EPB41L4A: variants seen among roughly 807,000 people sequenced by gnomAD.
EPB41L4A encodes erythrocyte membrane protein band 4.1 like 4A.
Under a neutral mutation model 108.6 loss-of-function variants are expected in EPB41L4A, and 100 were observed. That is an observed-to-expected ratio of 0.92 (90% CI 0.78 to 1.09). The LOEUF (loss-of-function observed/expected upper bound fraction) is 1.09. Among genes scored for constraint, EPB41L4A ranks in the 50% least tolerant of loss-of-function variants. EPB41L4A has a pLI of 0.00. For synonymous variants in EPB41L4A, 319 were observed against 289.0 expected (o/e 1.10, Z -1.05); for missense variants, 1,030 against 842.7 (o/e 1.22, Z -2.75).
chr5:112,387,161 A>G (rs1258537251), intron 1 of EPB41L4A, among the ~76,000 whole-genome samples: 2 of 152,240 alleles, frequency 1.3e-5, no homozygotes, highest in Non-Finnish European at 2.9e-5. Context: ...TGACAGCGCC[A>G]GTTCCATCGT....
intron 12 of EPB41L4A, among the ~76,000 whole-genome samples, chr5:112,213,262 G>C (rs977640984): frequency 1.3e-5 from 2 of 151,886 alleles, no homozygotes; most frequent in African/African-American, 4.8e-5. Flanking sequence ...ACGAGATAAG[G>C]TATAATCAGT....
At position 112,384,423 on chromosome 5, in the gene EPB41L4A, C is replaced by T. The variant is rs1343986164; in HGVS notation, c.99+34518G>A. On this transcript the variant is annotated intron_variant, in intron 1 of 22. Transcript: ENST00000261486. ...CCAAAGGCAAAAAGTATATAACATTCGCAATTAACAAGGCAGACCAAAGGC... is the reference window on the plus strand; with the variant it reads ...CCAAAGGCAAAAAGTATATAACATTTGCAATTAACAAGGCAGACCAAAGGC... 2.6e-5 allele frequency among the ~76,000 whole-genome samples: 4 copies of T among 151,522 alleles called. No individual in the cohort carries two copies. The East Asian group carries it at 5.8e-4, about 22-fold the overall frequency.
intron 1 of EPB41L4A, among the ~76,000 whole-genome samples, chr5:112,332,982 A>G (rs1386912190): frequency 2.0e-5 from 3 of 152,226 alleles, no homozygotes; most frequent in Non-Finnish European, 2.9e-5. Context: ...GTATGGAAAG[A>G]AGAGAGAAAT....
At chr5:112,216,234 G>C (rs930119034) in intron 12 of EPB41L4A, among the ~76,000 whole-genome samples, 1 of 152,198 alleles carries the variant, frequency 6.6e-6, no homozygotes, top group African/African-American at 2.4e-5. Flanking sequence ...GTGATGTCAA[G>C]ATTTGGTGAT....
At position 112,167,949 on chromosome 5, in the gene EPB41L4A, A is replaced by T. The variant is rs577681738; in HGVS notation, c.1932+790T>A. On this transcript the variant is annotated intron_variant, in intron 22 of 22. Coordinates refer to ENST00000261486, the MANE Select transcript of EPB41L4A (RefSeq NM_022140.5). ...GCATTTTTATGGGATGAGAGTCAGT[A>T]GATACAACTGGCTTTTCTAAAGGAT... Among the ~76,000 whole-genome samples the T allele has an allele frequency of 1.5e-3, 221 of 152,360 alleles. 1 individual carries two copies. The highest frequency in any genetic ancestry group is 4.4e-4 in the Non-Finnish European group (30 of 68,036).
chr5:112,371,378 G>T lies in EPB41L4A; in HGVS notation c.99+47563C>A, dbSNP rs1230750933. Among the ~76,000 whole-genome samples the T allele has an allele frequency of 2.6e-5, 4 of 152,074 alleles. No individual in the cohort carries two copies. In the South Asian group the frequency reaches 8.3e-4, roughly 32 times the overall value. On this transcript the variant is annotated intron_variant, in intron 1 of 22. Coordinates refer to ENST00000261486, the MANE Select transcript of EPB41L4A (RefSeq NM_022140.5). ...TCTGGTTGGTTAAAATACTGGACAG[G>T]CCCCACCATCTCTGCAAAAACAAGA...
chr5:112,335,896 G>C (rs1214236662), intron 1 of EPB41L4A, among the ~76,000 whole-genome samples: 6 of 152,132 alleles, frequency 3.9e-5, no homozygotes, highest in Non-Finnish European at 7.4e-5. Flanking sequence ...TGAGGGTCCA[G>C]CCACTCTGGA....
Position 112,168,990 on chromosome 5 carries a change from C to T in EPB41L4A, c.1850+5G>A. On this transcript the variant is annotated splice_donor_5th_base_variant and intron_variant, in intron 21 of 22. Transcript: ENST00000261486. ...GTGATGGTGTACTCTGGCCTGCCCACTTACTTCACTTCCGAGAGAACTGAT... is the reference window on the plus strand; with the variant it reads ...GTGATGGTGTACTCTGGCCTGCCCATTTACTTCACTTCCGAGAGAACTGAT... 6.2e-7 allele frequency: 1 copy of T among 1,607,394 alleles called. No individual in the cohort carries two copies. The highest frequency in any genetic ancestry group is 8.5e-7 in the Non-Finnish European group (1 of 1,173,870).
chr5:112,346,425 T>C (rs961238174), intron 1 of EPB41L4A, among the ~76,000 whole-genome samples: 1 of 151,960 alleles, frequency 6.6e-6, no homozygotes, highest in Non-Finnish European at 1.5e-5. Context: ...GGTTTCACCA[T>C]GTTGGTCAGG....
At chr5:112,142,666 G>C (rs1325361804) in exon 14 of EPB41L4A, 2 of 152,232 alleles carry the variant, frequency 1.3e-5, no homozygotes, top group African/African-American at 2.4e-5. Context: ...TTAGAAAGAA[G>C]TGTTGAAAGA....
At chr5:112,398,446 T>C (rs905503187) in intron 1 of EPB41L4A, among the ~76,000 whole-genome samples, 3 of 152,172 alleles carry the variant, frequency 2.0e-5, no homozygotes, top group Admixed American at 6.5e-5. Flanking sequence ...TGGAGTGCAG[T>C]GGCACCATCT....
At chr5:112,418,488 T>C (rs1448011896) in intron 1 of EPB41L4A, among the ~76,000 whole-genome samples, 2 of 152,076 alleles carry the variant, frequency 1.3e-5, no homozygotes, top group Admixed American at 6.5e-5. Context: ...ACAATCACAA[T>C]GACCCATTAA....
downstream of EPB41L4A, chr5:112,161,511 G>A (rs1481264241): frequency 5.8e-6 from 3 of 519,026 alleles, no homozygotes. Flanking sequence ...ATTCACTTTG[G>A]AAACTAGTGA....
intron 1 of EPB41L4A, among the ~76,000 whole-genome samples, chr5:112,389,819 C>T (rs553230005): frequency 6.6e-6 from 1 of 152,128 alleles, no homozygotes; most frequent in Non-Finnish European, 1.5e-5. Flanking sequence ...TATACGTTAT[C>T]TCACTTGATC....
At chr5:112,332,059 A>G (rs1215108953) in intron 1 of EPB41L4A, among the ~76,000 whole-genome samples, 2 of 152,244 alleles carry the variant, frequency 1.3e-5, no homozygotes, top group Admixed American at 1.3e-4. Context: ...GAAGGAATCT[A>G]AGGGATCTGG....
chr5:112,243,275 G>GTGTGTA (rs1554083451), intron 9 of EPB41L4A, among the ~76,000 whole-genome samples: 2 of 130,652 alleles, frequency 1.5e-5, no homozygotes, highest in African/African-American at 5.5e-5. Flanking sequence ...ATATGTGTGT[G>GTGTGTA]TATATATATA....
intron 13 of EPB41L4A, among the ~76,000 whole-genome samples, chr5:112,208,337 G>C (rs1434129570): frequency 6.6e-6 from 1 of 151,124 alleles, no homozygotes; most frequent in African/African-American, 2.4e-5. Flanking sequence ...AGATGACCAT[G>C]AACAGTGGAC....
At chr5:112,202,609 T>C (rs1408437874) in intron 15 of EPB41L4A, among the ~76,000 whole-genome samples, 6 of 152,188 alleles carry the variant, frequency 3.9e-5, no homozygotes, top group Admixed American at 3.9e-4. Flanking sequence ...TATTATTCTG[T>C]CTAATCATTG....
At chr5:112,310,045 C>T (rs1375654965) in intron 1 of EPB41L4A, among the ~76,000 whole-genome samples, 69 of 152,324 alleles carry the variant, frequency 4.5e-4, no homozygotes, top group Admixed American at 4.4e-3. Context: ...TTGATTTCAT[C>T]CTTGTGGGGC....
Sources: gnomAD v4.1 joint callset for allele counts (sites outside exome capture counted in the v4.1 genomes callset) on GRCh38, gnomAD v4.1.1 for gene constraint, MANE v1.5 for transcripts, NCBI Gene and HGNC (gene_info 2026-07-23, HGNC 2026-07-21) for gene names.